NAT10: variants seen among roughly 807,000 people sequenced by gnomAD.
The protein encoded by NAT10 is N-acetyltransferase 10.
In NAT10, 109 loss-of-function variants were observed where a neutral mutation model predicts 132.2. The ratio of observed to expected loss-of-function variants is 0.82; its 90% CI spans 0.71 to 0.97. NAT10 has a LOEUF of 0.97. Ranked by LOEUF, NAT10 falls within the 50% of genes least tolerant of loss-of-function variation. The pLI, the probability that NAT10 is intolerant of heterozygous loss-of-function variation, is 0.00. For missense variants in NAT10, 1,184 were observed against 1,263.4 expected (o/e 0.94, Z 0.95); for synonymous variants, 479 against 478.0 (o/e 1.00, Z -0.03).
At chr11:34,117,112 C>T (rs1851796316) in intron 6 of NAT10, among the ~76,000 whole-genome samples, 1 of 152,090 alleles carries the variant, frequency 6.6e-6, no homozygotes, top group Non-Finnish European at 1.5e-5. Flanking sequence ...CCGTTTTTTC[C>T]TTTATGAAGA....
intron 8 of NAT10, among the ~76,000 whole-genome samples, chr11:34,119,787 C>T (rs1366824834): frequency 2.6e-5 from 4 of 152,224 alleles, no homozygotes; most frequent in African/African-American, 2.4e-5. Context: ...TTAGACATTT[C>T]GATTGATTCC....
chr11:34,118,119 T>C (rs1851816247), intron 6 of NAT10, 61 bp from the exon 7 acceptor site: 2 of 1,353,236 alleles, frequency 1.5e-6, no homozygotes, highest in African/African-American at 2.9e-5. Context: ...AGAAAAGTTA[T>C]ACTCTGTATA....
intron 1 of NAT10, among the ~76,000 whole-genome samples, chr11:34,106,364 C>T (rs1851595019): frequency 6.6e-6 from 1 of 151,960 alleles, no homozygotes; most frequent in South Asian, 2.1e-4. Context: ...TCCATGACAG[C>T]TTCAGCCCAT....
chr11:34,110,630 A>G (rs1045133067), intron 3 of NAT10, among the ~76,000 whole-genome samples: 2 of 46,018 alleles, frequency 4.3e-5, no homozygotes, highest in Non-Finnish European at 8.8e-5. Context: ...TCTTCTATTT[A>G]TCTTTGTATT....
At chr11:34,108,640 G>T in intron 2 of NAT10, 102 bp from the exon 3 acceptor site, 1 of 1,099,788 alleles carries the variant, frequency 9.1e-7, no homozygotes. Flanking sequence ...TCCCTTCCCT[G>T]GCCCTCAGTT....
intron 11 of NAT10, 27 bp downstream of exon 11, chr11:34,124,427 T>C: frequency 6.6e-7 from 1 of 1,523,468 alleles, no homozygotes; most frequent in Non-Finnish European, 9.1e-7. Flanking sequence ...GACCCTGATG[T>C]GCAGGGCCAG....
At chr11:34,128,362 CA>C (rs914837839) in intron 12 of NAT10, among the ~76,000 whole-genome samples, 3,983 of 67,202 alleles carry the variant, frequency 0.059, 131 homozygotes, top group African/African-American at 0.18. Context: ...AAAAACAAAA[CA>C]AAAAAAAAAA....
intron 21 of NAT10, 56 bp from the exon 22 acceptor site, chr11:34,139,135 T>C (rs1395839778): frequency 1.3e-5 from 19 of 1,424,752 alleles, no homozygotes; most frequent in Non-Finnish European, 1.6e-5. Context: ...TCATCAATGA[T>C]GGGTTATTCA....
intron 19 of NAT10, among the ~76,000 whole-genome samples, chr11:34,136,212 G>A (rs1244927307): frequency 6.6e-6 from 1 of 151,938 alleles, no homozygotes; most frequent in African/African-American, 2.4e-5. Context: ...CACCTGAGTA[G>A]CTGGGACTAC....
chr11:34,131,029 C>T, intron 13 of NAT10, 92 bp downstream of exon 13: 1 of 1,524,992 alleles, frequency 6.6e-7, no homozygotes, highest in Admixed American at 1.9e-5. Context: ...ATGGGAAGCA[C>T]CAAACCTTCC....
chr11:34,143,371 C>G, intron 27 of NAT10, 74 bp from the exon 28 acceptor site: 1 of 1,282,006 alleles, frequency 7.8e-7, no homozygotes, highest in Non-Finnish European at 1.1e-6. Flanking sequence ...AGAATGTTGT[C>G]ACTGTCGTTA....
chr11:34,126,726 G>C (rs1852000246), intron 11 of NAT10, among the ~76,000 whole-genome samples: 1 of 152,146 alleles, frequency 6.6e-6, no homozygotes, highest in Non-Finnish European at 1.5e-5. Context: ...TGTTGAGGTT[G>C]AATATCTTTG....
intron 14 of NAT10, 23 bp from the exon 15 acceptor site, chr11:34,132,102 T>C: frequency 6.4e-7 from 1 of 1,566,712 alleles, no homozygotes; most frequent in Non-Finnish European, 8.8e-7. Context: ...TGTTTTGTTT[T>C]GGTTTCTTAA....
intron 26 of NAT10, chr11:34,142,065 G>A: frequency 3.2e-6 from 2 of 627,724 alleles, no homozygotes; most frequent in Admixed American, 2.9e-5. Flanking sequence ...TGTTGGAAAT[G>A]TTTTGTCTTT....
chr11:34,138,433 C>T (rs530953199), intron 21 of NAT10, among the ~76,000 whole-genome samples: 115 of 152,234 alleles, frequency 7.6e-4, no homozygotes, highest in Non-Finnish European at 1.3e-3. Context: ...GTCCAGTGTC[C>T]GTCCGAGGGT....
intron 13 of NAT10, 126 bp downstream of exon 13, chr11:34,131,063 TC>T: frequency 7.1e-7 from 1 of 1,416,092 alleles, no homozygotes; most frequent in Non-Finnish European, 9.6e-7. Context: ...AGAGGTTGAG[TC>T]CCCAAGAGGA....
intron 11 of NAT10, among the ~76,000 whole-genome samples, chr11:34,127,169 C>T (rs1162199297): frequency 6.6e-6 from 1 of 152,202 alleles, no homozygotes; most frequent in Non-Finnish European, 1.5e-5. Flanking sequence ...TTCCTTCAAG[C>T]AGCCATAAGA....
At chr11:34,120,714 A>G (rs1427802883) in intron 8 of NAT10, among the ~76,000 whole-genome samples, 1 of 152,234 alleles carries the variant, frequency 6.6e-6, no homozygotes, top group Non-Finnish European at 1.5e-5. Flanking sequence ...TAGTGAGATG[A>G]GACAGTCAGT....
rs953474793 is a variant in NAT10 at position 34,130,661 on chromosome 11, G to A, written c.1245-152G>A. 1.2e-5 allele frequency: 12 copies of A among 1,020,094 alleles called. No homozygotes were observed. In the African/African-American group the frequency reaches 1.9e-4, roughly 16 times the overall value. 63.2% of individuals were successfully genotyped at this position (1,020,094 alleles called of 1,614,324 possible). A position where few individuals can be genotyped will look rare whatever the true frequency, so the allele number is the denominator to read the frequency against. The stretch of plus-strand genomic sequence containing the variant: ...GCCACCCTGCCTCCTTTGGACAGGT[G>A]CCTGCTATGCTGGAAGTTCAGAGAT... On this transcript the variant is annotated intron_variant, in intron 12 of 28. Transcript: ENST00000257829.
Sources: allele counts gnomAD v4.1 joint callset (sites outside exome capture counted in the v4.1 genomes callset), GRCh38; gene constraint gnomAD v4.1.1; transcripts MANE v1.5; gene names NCBI Gene and HGNC (gene_info 2026-07-23, HGNC 2026-07-21).